The following NPAS3 variants were observed in gnomAD, a reference collection of about 807,000 sequenced individuals.
NPAS3 encodes the protein neuronal PAS domain protein 3.
In NPAS3, 14 loss-of-function variants were observed where a neutral mutation model predicts 73.1. That is an observed-to-expected ratio of 0.19 (90% CI 0.13 to 0.30). The LOEUF (loss-of-function observed/expected upper bound fraction) is 0.30. Ranked by LOEUF, NPAS3 falls within the 10% of genes least tolerant of loss-of-function variation. The pLI is 1.00. For synonymous variants in NPAS3, 620 were observed against 541.5 expected (o/e 1.14, Z -2.01); for missense variants, 1,096 against 1,250.0 (o/e 0.88, Z 1.86).
intron 7 of NPAS3, among the ~76,000 whole-genome samples, chr14:33,740,491 T>A (rs80342820): frequency 0.03 from 4,610 of 152,324 alleles, 80 homozygotes; most frequent in African/African-American, 0.05. Context: ...GATATACCAA[T>A]GAAAACTGTT....
chr14:33,551,634 ACT>A (rs1313366382), intron 4 of NPAS3, among the ~76,000 whole-genome samples: 1 of 151,848 alleles, frequency 6.6e-6, no homozygotes, highest in Non-Finnish European at 1.5e-5. Flanking sequence ...TGAATGAAAA[ACT>A]CTGGGACAGG....
intron 5 of NPAS3, among the ~76,000 whole-genome samples, chr14:33,588,504 G>A (rs2056947550): frequency 6.6e-6 from 1 of 152,196 alleles, no homozygotes; most frequent in South Asian, 2.1e-4. Context: ...GGTTCATCTT[G>A]AGAACTCTTC....
intron 1 of NPAS3, among the ~76,000 whole-genome samples, chr14:32,949,491 G>T (rs566572247): frequency 2.6e-5 from 4 of 152,054 alleles, no homozygotes; most frequent in East Asian, 1.9e-4. Flanking sequence ...AATACTTATT[G>T]CTCTGATATG....
chr14:33,533,148 A>G (rs1446461273), intron 4 of NPAS3, among the ~76,000 whole-genome samples: 1 of 152,178 alleles, frequency 6.6e-6, no homozygotes, highest in Non-Finnish European at 1.5e-5. Flanking sequence ...GTATTATAAA[A>G]GACTGGCAGA....
At chr14:32,966,262 A>C (rs1441599932) in intron 1 of NPAS3, among the ~76,000 whole-genome samples, 2 of 152,206 alleles carry the variant, frequency 1.3e-5, no homozygotes, top group Non-Finnish European at 2.9e-5. Flanking sequence ...GAGAAAAAAG[A>C]ACAAAGCTGC....
chr14:33,165,299 T>C (rs557728130), intron 2 of NPAS3, among the ~76,000 whole-genome samples: 26 of 151,636 alleles, frequency 1.7e-4, no homozygotes, highest in African/African-American at 5.6e-4. Context: ...GGTTGGACTA[T>C]GGTGTGTGAG....
intron 3 of NPAS3, among the ~76,000 whole-genome samples, chr14:33,275,427 G>A (rs980513297): frequency 4.6e-5 from 7 of 152,156 alleles, no homozygotes. Context: ...TAGTTATTTA[G>A]ATATATTATA....
At chr14:33,526,493 G>A (rs982735559) in intron 4 of NPAS3, among the ~76,000 whole-genome samples, 1 of 151,792 alleles carries the variant, frequency 6.6e-6, no homozygotes, top group Non-Finnish European at 1.5e-5. Context: ...TATGTATACT[G>A]GGCTCTTACA....
chr14:33,262,850 G>T (rs2049023317), intron 3 of NPAS3, among the ~76,000 whole-genome samples: 1 of 152,164 alleles, frequency 6.6e-6, no homozygotes, highest in Non-Finnish European at 1.5e-5. Flanking sequence ...TTGTGGTTTT[G>T]ATTTGCATTT....
chr14:33,790,491 A>G (rs1345479312), intron 9 of NPAS3, among the ~76,000 whole-genome samples: 1 of 152,114 alleles, frequency 6.6e-6, no homozygotes, highest in Non-Finnish European at 1.5e-5. Flanking sequence ...AGTTCAGGAA[A>G]AGCTGTCAGA....
chr14:33,358,282 G>A (rs1325846983), intron 3 of NPAS3, among the ~76,000 whole-genome samples: 3 of 152,196 alleles, frequency 2.0e-5, no homozygotes, highest in Admixed American at 2.0e-4. Flanking sequence ...TTTTCAGACA[G>A]TGCCAAATGG....
intron 3 of NPAS3, among the ~76,000 whole-genome samples, chr14:33,248,287 C>T (rs976307466): frequency 6.6e-6 from 1 of 152,182 alleles, no homozygotes; most frequent in Non-Finnish European, 1.5e-5. Context: ...GCCACGTTGG[C>T]TGTCATAAAA....
chr14:33,206,972 G>A (rs1476463938), intron 2 of NPAS3, among the ~76,000 whole-genome samples: 2 of 152,086 alleles, frequency 1.3e-5, no homozygotes, highest in African/African-American at 4.8e-5. Context: ...TCTTGTTGCT[G>A]TTAATGGAAG....
chr14:32,969,165 G>GC (rs1244917571), intron 1 of NPAS3, among the ~76,000 whole-genome samples: 1 of 152,078 alleles, frequency 6.6e-6, no homozygotes, highest in Non-Finnish European at 1.5e-5. Context: ...CACCTCCTAG[G>GC]CCACACCAGA....
chr14:33,573,206 A>G (rs180942951), intron 5 of NPAS3, among the ~76,000 whole-genome samples: 78 of 152,214 alleles, frequency 5.1e-4, no homozygotes, highest in Non-Finnish European at 8.1e-4. Context: ...CAGGTTTCCC[A>G]TGACACTCAA....
chr14:32,973,968 A>G (rs530395420), intron 1 of NPAS3, among the ~76,000 whole-genome samples: 1 of 152,364 alleles, frequency 6.6e-6, no homozygotes, highest in Admixed American at 6.5e-5. Flanking sequence ...GTATAAAACT[A>G]TATTTTCTAG....
intron 5 of NPAS3, among the ~76,000 whole-genome samples, chr14:33,582,348 G>T (rs767253095): frequency 5.9e-5 from 9 of 152,116 alleles, no homozygotes; most frequent in Non-Finnish European, 1.0e-4. Context: ...ATCCCAAAAG[G>T]CTTGGTTATG....
chr14:33,030,662 G>C (rs1246809211), intron 1 of NPAS3, among the ~76,000 whole-genome samples: 1 of 152,126 alleles, frequency 6.6e-6, no homozygotes, highest in African/African-American at 2.4e-5. Context: ...ATACTCATAT[G>C]CAAGCAGCTG....
intron 9 of NPAS3, among the ~76,000 whole-genome samples, chr14:33,784,745 A>ATTTATTTATTTATTTATTT (rs1471526546): frequency 5.4e-5 from 4 of 73,840 alleles, no homozygotes; most frequent in African/African-American, 2.5e-4. Context: ...TTATTTATTT[A>ATTTATTTATTTATTTATTT]TTTTTTTTTT....
Sources: allele counts gnomAD v4.1 joint callset (sites outside exome capture counted in the v4.1 genomes callset), GRCh38; gene constraint gnomAD v4.1.1; transcripts MANE v1.5; gene names NCBI Gene and HGNC (gene_info 2026-07-23, HGNC 2026-07-21).